The following KPNB1 variants were observed in gnomAD, a reference collection of about 807,000 sequenced individuals.
KPNB1 encodes the protein karyopherin subunit beta 1.
A neutral mutation model predicts 113.0 loss-of-function variants in KPNB1; 7 were observed. The ratio of observed to expected loss-of-function variants is 0.06; its 90% CI spans 0.04 to 0.12. KPNB1 has a LOEUF of 0.12. Ranked by LOEUF, KPNB1 falls within the 10% of genes least tolerant of loss-of-function variation. The pLI is 1.00. For missense variants in KPNB1, 400 were observed against 1,054.8 expected (o/e 0.38, Z 8.60); for synonymous variants, 363 against 378.6 (o/e 0.96, Z 0.48).
At position 47,649,988 on chromosome 17, in the gene KPNB1, G is replaced by C; in HGVS notation, c.-257G>C. The C allele has an allele frequency of 1.5e-6, 2 of 1,316,680 alleles. No individual in the cohort carries two copies. The highest frequency in any genetic ancestry group is 3.1e-5 in the East Asian group (1 of 32,072). The allele number at this position is 1,316,680 out of a possible 1,614,324, so 81.6% of individuals were successfully genotyped here. A position where few individuals can be genotyped will look rare whatever the true frequency, so the allele number is the denominator to read the frequency against. The stretch of plus-strand genomic sequence containing the variant: ...TTCTCCCTCCGCCTCCCGAGCACCA[G>C]CGCGCTCTGAGCTGCCCCCAGGGTC... On this transcript the variant is annotated 5_prime_UTR_variant, in exon 1 of 22. Transcript: ENST00000290158.
At chr17:47,670,060 G>A (rs59866241) in intron 11 of KPNB1, among the ~76,000 whole-genome samples, 191 bp downstream of exon 11, 6,458 of 152,236 alleles carry the variant, frequency 0.042, 247 homozygotes, top group East Asian at 0.11. Flanking sequence ...TATGGTTACT[G>A]GTTCCTGAAC....
rs974144220 is a variant in KPNB1 at position 47,685,453 on chromosome 17, G to A, written c.*3049G>A. 1 of 151,264 alleles carries A rather than the reference G, an allele frequency of 6.6e-6. No individual in the cohort carries two copies. Among genetic ancestry groups the A allele is most frequent in the African/African-American group, 2.4e-5 (1 of 41,130 alleles). The allele number at this position is 151,264 out of a possible 1,614,324, so 9.4% of individuals were successfully genotyped here. ...GAGCCCAACTCGATTAACCAAAACC[G>A]ATAACCACCACCTTTATCTTCTAAA... On this transcript the variant is annotated 3_prime_UTR_variant, in exon 22 of 22. Coordinates refer to ENST00000290158, the MANE Select transcript of KPNB1 (RefSeq NM_002265.6).
chr17:47,669,764 G>A lies in KPNB1; in HGVS notation c.1311G>A (p.Glu437=). The change falls in exon 11 of 22, where the codon GAG becomes GAA. Residue 437 remains glutamate, a synonymous_variant. Coordinates refer to ENST00000290158, the MANE Select transcript of KPNB1 (RefSeq NM_002265.6). ...CATGGACTGTAGGCAGAATTTGTGA[G>A]CTGCTTCCTGAAGCTGCCATCAATG... is the stretch of plus-strand genomic sequence containing the variant. The part of the protein sequence containing the change: ...TAAWTVGRIC[E]LLPEAAINDV... 1 of 1,614,100 alleles carries A rather than the reference G, an allele frequency of 6.2e-7. No homozygotes were observed. Among genetic ancestry groups the A allele is most frequent in the South Asian group, 1.1e-5 (1 of 91,080 alleles).
rs528090333 is a variant in KPNB1, at chr17:47,650,761, C to T, written c.99+317C>T. On this transcript the variant is annotated intron_variant, in intron 2 of 21. Coordinates refer to ENST00000290158, the MANE Select transcript of KPNB1 (RefSeq NM_002265.6). ...AGGGAAGGGAAGTTAGGTTGCGCGG[C>T]GCTGCGTGTTCAGCAGGGGTGGGGG... Among the ~76,000 whole-genome samples the T allele has an allele frequency of 6.8e-4, 104 of 152,172 alleles. 4 individuals carry two copies. The South Asian group carries it at 0.021, about 30-fold the overall frequency.
At chr17:47,655,516 T>C (rs778501757) in intron 3 of KPNB1, among the ~76,000 whole-genome samples, 1 of 152,244 alleles carries the variant, frequency 6.6e-6, no homozygotes, top group Non-Finnish European at 1.5e-5. Context: ...TGTTGTTACT[T>C]GACCAAGGCC....
At chr17:47,652,365 C>A (rs577441029) in intron 2 of KPNB1, among the ~76,000 whole-genome samples, 2 of 152,214 alleles carry the variant, frequency 1.3e-5, no homozygotes, top group Admixed American at 1.3e-4. Flanking sequence ...AGACTGACTA[C>A]TACTACCATA....
At chr17:47,678,606 T>C in intron 19 of KPNB1, 193 bp downstream of exon 19, 1 of 568,276 alleles carries the variant, frequency 1.8e-6, no homozygotes, top group Non-Finnish European at 3.2e-6. Context: ...GCTCTGCTTC[T>C]TCTTTCTTTT....
intron 21 of KPNB1, among the ~76,000 whole-genome samples, 161 bp from the exon 22 acceptor site, chr17:47,682,243 C>T (rs950853463): frequency 5.9e-5 from 9 of 152,200 alleles, no homozygotes; most frequent in African/African-American, 2.2e-4. Flanking sequence ...TTAATAAGAG[C>T]AGGTCAATGG....
At chr17:47,679,807 C>T in intron 19 of KPNB1, 1 of 392,426 alleles carries the variant, frequency 2.5e-6, no homozygotes, top group East Asian at 5.2e-5. Context: ...CGCCATTTTC[C>T]TACCTCAGCC....
Position 47,664,041 on chromosome 17 carries a change from A to AGC in KPNB1, c.787-117_787-116dup, listed in dbSNP as rs1597928998. 2.2e-5 allele frequency: 14 copies of AGC among 642,424 alleles called. 1 individual carries two copies. The East Asian group carries it at 3.9e-4, about 18-fold the overall frequency. The allele number at this position is 642,424 out of a possible 1,614,324, so 39.8% of individuals were successfully genotyped here. A position where few individuals can be genotyped will look rare whatever the true frequency, so the allele number is the denominator to read the frequency against. On this transcript the variant is annotated intron_variant, in intron 7 of 21. Coordinates refer to ENST00000290158, the MANE Select transcript of KPNB1 (RefSeq NM_002265.6). The stretch of plus-strand genomic sequence containing the variant: ...TTTTCCTATCTTTTCTTTCAAGCCT[A>AGC]GCTTCCTTTTTATAGTTACATTTCT...
intron 8 of KPNB1, 33 bp from the exon 9 acceptor site, chr17:47,665,024 C>A: frequency 1.3e-6 from 2 of 1,581,108 alleles, no homozygotes; most frequent in Non-Finnish European, 1.7e-6. Context: ...AGCTCGGTTG[C>A]TTTTGTCTAG....
chr17:47,675,448 T>A (rs1408210312), intron 15 of KPNB1, among the ~76,000 whole-genome samples: 1 of 143,392 alleles, frequency 7.0e-6, no homozygotes, highest in African/African-American at 2.6e-5. Context: ...CCATCTTGGC[T>A]CACCACAGCC....
chr17:47,654,258 T>C (rs1432702099), intron 3 of KPNB1, among the ~76,000 whole-genome samples: 1 of 151,954 alleles, frequency 6.6e-6, no homozygotes, highest in Admixed American at 6.6e-5. Context: ...CTACTAAAAA[T>C]ACAAAAATTA....
In KPNB1 at chr17:47,652,970, T is replaced by C. The variant is rs74940259; in HGVS notation, c.282+94T>C. 3.1e-3 allele frequency: 2,749 copies of C among 894,946 alleles called. 14 individuals carry two copies. The highest frequency in any genetic ancestry group is 2.9e-3 in the Non-Finnish European group (1,771 of 614,932). The allele number at this position is 894,946 out of a possible 1,614,324, so 55.4% of individuals were successfully genotyped here. ...TATTTGCATGGGATAGAGCTAACAG[T>C]GTGATAGGTTTCTGGGACCTCAACT... On this transcript the variant is annotated intron_variant, in intron 3 of 21. Transcript: ENST00000290158.
Position 47,682,401 on chromosome 17 carries a change from C to T in KPNB1, c.*-3C>T, listed in dbSNP as rs7223246. On this transcript the variant is annotated splice_region_variant and splice_polypyrimidine_tract_variant and intron_variant, in intron 21 of 21. Coordinates refer to ENST00000290158, the MANE Select transcript of KPNB1 (RefSeq NM_002265.6). The stretch of plus-strand genomic sequence containing the variant: ...ATTGACCTTTTTTTCCATCTGTTTT[C>T]AGATCTGTTACCATTGGGATGATAA... 0.22 allele frequency: 175,098 copies of T among 779,960 alleles called. 22,726 individuals carry two copies. Among genetic ancestry groups the T allele is most frequent in the African/African-American group, 0.49 (28,741 of 59,028 alleles). The allele number at this position is 779,960 out of a possible 1,614,324, so 48.3% of individuals were successfully genotyped here.
intron 3 of KPNB1, 101 bp from the exon 4 acceptor site, chr17:47,656,759 A>C (rs930318722): frequency 5.9e-6 from 7 of 1,181,784 alleles, no homozygotes; most frequent in Non-Finnish European, 8.6e-6. Flanking sequence ...AGAAAGAAAG[A>C]AAAAAAAGAA....
At chr17:47,656,758 GAAAA>G in intron 3 of KPNB1, 98 bp from the exon 4 acceptor site, 1 of 1,183,624 alleles carries the variant, frequency 8.4e-7, no homozygotes, top group Non-Finnish European at 1.2e-6. Flanking sequence ...AAGAAAGAAA[GAAAA>G]AAAAGAATTC....
chr17:47,668,648 C>G (rs1271030556), intron 10 of KPNB1, among the ~76,000 whole-genome samples: 2 of 152,118 alleles, frequency 1.3e-5, no homozygotes, highest in Non-Finnish European at 2.9e-5. Flanking sequence ...TTTCATTGCC[C>G]AGAAATACCA....
intron 15 of KPNB1, among the ~76,000 whole-genome samples, chr17:47,675,499 C>G (rs539886652): frequency 2.6e-5 from 4 of 151,028 alleles, no homozygotes; most frequent in African/African-American, 9.8e-5. Context: ...CCTCAGCCTT[C>G]TGAGTAGCTG....
Sources: gnomAD v4.1 joint callset for allele counts (sites outside exome capture counted in the v4.1 genomes callset) on GRCh38, gnomAD v4.1.1 for gene constraint, MANE v1.5 for transcripts, NCBI Gene and HGNC (gene_info 2026-07-23, HGNC 2026-07-21) for gene names.